DYNC1I1: variants seen among roughly 807,000 people sequenced by gnomAD.
DYNC1I1 encodes dynein cytoplasmic 1 intermediate chain 1, also known as cytoplasmic dynein 1 intermediate chain 1.
A neutral mutation model predicts 86.6 loss-of-function variants in DYNC1I1; 43 were observed. That is an observed-to-expected ratio of 0.50 (90% CI 0.39 to 0.64). The LOEUF is 0.64. Ranked by LOEUF, DYNC1I1 falls within the 30% of genes least tolerant of loss-of-function variation. The pLI is 0.00. For synonymous variants in DYNC1I1, 262 were observed against 283.7 expected, an observed-to-expected ratio of 0.92 and a Z score of 0.77; for missense variants, 604 against 788.8, an observed-to-expected ratio of 0.77 and a Z score of 2.81.
At chr7:96,071,875 C>G (rs1790174359) in intron 14 of DYNC1I1, among the ~76,000 whole-genome samples, 1 of 152,082 alleles carries the variant, frequency 6.6e-6, no homozygotes, top group African/African-American at 2.4e-5. Context: ...GGTAACAGAT[C>G]TATTGTCTTT....
chr7:95,953,940 G>A lies in DYNC1I1; in HGVS notation c.491-23572G>A, dbSNP rs542075968. 9.2e-4 allele frequency among the ~76,000 whole-genome samples: 140 copies of A among 152,218 alleles called. 2 individuals carry two copies. Among genetic ancestry groups the A allele is most frequent in the African/African-American group, 3.3e-3 (136 of 41,514 alleles). The stretch of plus-strand genomic sequence containing the variant: ...CTTGGTTCAACACTTTGACCAGACG[G>A]CCCTGACTGTCTTGAGAGAAACAGA... On this transcript the variant is annotated intron_variant, in intron 6 of 16. Transcript: ENST00000447467.
chr7:95,946,437 G>A (rs917999917), intron 6 of DYNC1I1, among the ~76,000 whole-genome samples: 2 of 152,160 alleles, frequency 1.3e-5, no homozygotes, highest in African/African-American at 2.4e-5. Flanking sequence ...AGGTGCTGAA[G>A]TAAACATGTA....
chr7:95,905,917 T>G (rs1221555441), intron 6 of DYNC1I1, among the ~76,000 whole-genome samples: 2 of 152,214 alleles, frequency 1.3e-5, no homozygotes, highest in Admixed American at 6.5e-5. Flanking sequence ...CTGTTCTTTA[T>G]AAGCTATCTT....
intron 6 of DYNC1I1, among the ~76,000 whole-genome samples, chr7:95,943,423 A>C (rs1420807471): frequency 2.0e-5 from 3 of 151,742 alleles, no homozygotes; most frequent in Non-Finnish European, 4.4e-5. Context: ...AGGAGGAATC[A>C]ATATCGTGAA....
chr7:96,015,344 A>G (rs1794374834), intron 10 of DYNC1I1, among the ~76,000 whole-genome samples: 1 of 152,176 alleles, frequency 6.6e-6, no homozygotes, highest in Admixed American at 6.5e-5. Flanking sequence ...GGTTCAGAAT[A>G]GAATCCTACA....
chr7:95,879,826 C>T (rs1790405601), intron 6 of DYNC1I1, among the ~76,000 whole-genome samples: 2 of 152,230 alleles, frequency 1.3e-5, no homozygotes, highest in South Asian at 4.2e-4. Flanking sequence ...TTTCTTTTCT[C>T]CTCCTAATAG....
chr7:95,885,244 T>G (rs1285738351), intron 6 of DYNC1I1, among the ~76,000 whole-genome samples: 5 of 152,174 alleles, frequency 3.3e-5, no homozygotes, highest in Non-Finnish European at 7.4e-5. Context: ...CTTGGCTCAC[T>G]GCAACTTCCA....
rs530498488 is a variant in DYNC1I1 at position 96,041,882 on chromosome 7, C to T, written c.1509+2461C>T. Among the ~76,000 whole-genome samples the T allele has an allele frequency of 2.6e-5, 4 of 151,842 alleles. No individual in the cohort carries two copies. The South Asian group carries it at 8.3e-4, about 32-fold the overall frequency. ...TTATTTTTACATTTGATTTTGGAAC[C>T]ATGTAAATATTTTACATAGTTATAA... On this transcript the variant is annotated intron_variant, in intron 14 of 16. Coordinates refer to ENST00000447467, the MANE Select transcript of DYNC1I1 (RefSeq NM_001135556.2).
chr7:95,791,059 T>G (rs1794288429), intron 1 of DYNC1I1, among the ~76,000 whole-genome samples: 1 of 152,242 alleles, frequency 6.6e-6, no homozygotes, highest in Non-Finnish European at 1.5e-5. Flanking sequence ...TAGAATAAAT[T>G]GATTTTTTGT....
intron 6 of DYNC1I1, among the ~76,000 whole-genome samples, chr7:95,957,885 A>G (rs1792760270): frequency 6.6e-6 from 1 of 152,174 alleles, no homozygotes; most frequent in African/African-American, 2.4e-5. Context: ...ACCACTCACG[A>G]GAGCCTTCAC....
intron 14 of DYNC1I1, among the ~76,000 whole-genome samples, chr7:96,045,076 A>G (rs1789169339): frequency 6.6e-6 from 1 of 152,196 alleles, no homozygotes; most frequent in South Asian, 2.1e-4. Context: ...TTCTGATGTT[A>G]TAGGCTAAGG....
At chr7:95,985,836 C>T (rs1793575635) in intron 8 of DYNC1I1, among the ~76,000 whole-genome samples, 2 of 152,056 alleles carry the variant, frequency 1.3e-5, no homozygotes, top group African/African-American at 4.8e-5. Flanking sequence ...AAAGGGAGTC[C>T]TGTACATGTT....
chr7:96,106,779 A>G (rs551169333), intron 16 of DYNC1I1, among the ~76,000 whole-genome samples: 8 of 152,194 alleles, frequency 5.3e-5, no homozygotes, highest in Non-Finnish European at 1.0e-4. Flanking sequence ...AAACATATAT[A>G]ATATGAAATA....
chr7:95,825,899 T>C (rs1283742244), intron 4 of DYNC1I1, among the ~76,000 whole-genome samples: 1 of 152,182 alleles, frequency 6.6e-6, no homozygotes, highest in African/African-American at 2.4e-5. Context: ...GAACTACAAA[T>C]TCTAGGGCCC....
At position 95,996,012 on chromosome 7, in the gene DYNC1I1, T is replaced by A; in HGVS notation, c.908T>A (p.Val303Glu). 6.2e-7 allele frequency: 1 copy of A among 1,613,672 alleles called. No homozygotes were observed. Among genetic ancestry groups the A allele is most frequent in the South Asian group, 1.1e-5 (1 of 91,002 alleles). The change falls in exon 10 of 17, where the codon GTG (valine) becomes GAG (glutamate). Residue 303 changes from valine to glutamate, a missense_variant. Val to Glu is a moderately radical substitution (Grantham distance 121). Coordinates refer to ENST00000447467, the MANE Select transcript of DYNC1I1 (RefSeq NM_001135556.2). The stretch of plus-strand genomic sequence containing the variant: ...GATGCTCCCCATGAACCAGATGGAG[T>A]GGCCTTGGTTTGGAACATGAAGTTT... ...NEDAPHEPDG[V>E]ALVWNMKFKK...
intron 16 of DYNC1I1, among the ~76,000 whole-genome samples, chr7:96,090,806 C>G (rs1430116326): frequency 1.3e-5 from 2 of 152,156 alleles, no homozygotes; most frequent in Non-Finnish European, 2.9e-5. Flanking sequence ...TGAAACTGCT[C>G]TAAATAAGTT....
At chr7:96,100,980 G>A (rs1269573188), downstream of DYNC1I1, among the ~76,000 whole-genome samples, 1 of 152,200 alleles carries the variant, frequency 6.6e-6, no homozygotes, top group Admixed American at 6.5e-5. Flanking sequence ...TCTCTAGAAT[G>A]TTTAGCAGTA....
chr7:96,078,606 T>A (rs991409777), intron 15 of DYNC1I1, among the ~76,000 whole-genome samples: 1 of 152,174 alleles, frequency 6.6e-6, no homozygotes, highest in African/African-American at 2.4e-5. Flanking sequence ...GTATTAGGTA[T>A]TATTTTAAAT....
chr7:96,025,367 G>A (rs1451849474), intron 10 of DYNC1I1, among the ~76,000 whole-genome samples: 3 of 151,786 alleles, frequency 2.0e-5, no homozygotes, highest in African/African-American at 4.8e-5. Flanking sequence ...TAATTAATAT[G>A]TTGAGCTTAA....
Sources: allele counts gnomAD v4.1 joint callset (sites outside exome capture counted in the v4.1 genomes callset), GRCh38; gene constraint gnomAD v4.1.1; transcripts MANE v1.5; gene names NCBI Gene and HGNC (gene_info 2026-07-23, HGNC 2026-07-21).